UQCC1: variants seen among roughly 807,000 people sequenced by gnomAD.
The protein encoded by UQCC1 is bFGF-repressed Zic-binding protein.
A neutral mutation model predicts 48.0 loss-of-function variants in UQCC1; 38 were observed. That is an observed-to-expected ratio of 0.79 (90% CI 0.61 to 1.04). The LOEUF is 1.04. Ranked by LOEUF, UQCC1 falls within the 50% of genes least tolerant of loss-of-function variation. UQCC1 has a pLI of 0.00. For missense variants in UQCC1, 368 were observed against 381.8 expected (o/e 0.96, Z 0.30); for synonymous variants, 111 against 129.2 (o/e 0.86, Z 0.95).
At chr20:35,401,273 CAT>C (rs1447771709) in intron 1 of UQCC1, among the ~76,000 whole-genome samples, 1 of 152,188 alleles carries the variant, frequency 6.6e-6, no homozygotes, top group African/African-American at 2.4e-5. Context: ...ACCTAACAAA[CAT>C]ATTTTCCCAT....
chr20:35,340,373 C>G (rs117072655), intron 7 of UQCC1, among the ~76,000 whole-genome samples: 1 of 152,230 alleles, frequency 6.6e-6, no homozygotes, highest in Non-Finnish European at 1.5e-5. Context: ...TTAGCCTTCT[C>G]TCCCCTAATA....
At chr20:35,395,238 G>C (rs865918783) in intron 1 of UQCC1, among the ~76,000 whole-genome samples, 9 of 152,038 alleles carry the variant, frequency 5.9e-5, no homozygotes, top group South Asian at 4.2e-4. Context: ...GGAGGAGTGG[G>C]AGAAGCTACA....
chr20:35,399,919 T>C (rs1332894679), intron 1 of UQCC1, among the ~76,000 whole-genome samples: 2 of 143,424 alleles, frequency 1.4e-5, no homozygotes, highest in African/African-American at 5.2e-5. Context: ...CTGGCTCTAC[T>C]CAGTCCTTTT....
chr20:35,314,097 T>C (rs1396572892), intron 8 of UQCC1, among the ~76,000 whole-genome samples: 1 of 152,074 alleles, frequency 6.6e-6, no homozygotes, highest in Non-Finnish European at 1.5e-5. Flanking sequence ...CTAGAGTAGC[T>C]GGGATTACAG....
chr20:35,339,700 A>C (rs2146367796), intron 7 of UQCC1, among the ~76,000 whole-genome samples: 1 of 152,256 alleles, frequency 6.6e-6, no homozygotes, highest in South Asian at 2.1e-4. Context: ...AGAATTTTTA[A>C]AGGATGTAAG....
intron 7 of UQCC1, among the ~76,000 whole-genome samples, chr20:35,338,856 G>GAAAAAAAAAAAAAA (rs1172467457): frequency 3.7e-5 from 1 of 26,846 alleles, no homozygotes; most frequent in Non-Finnish European, 5.5e-5. Flanking sequence ...CGTCTCAAAA[G>GAAAAAAAAAAAAAA]AAAAAAAAAA....
chr20:35,373,472 A>G (rs961880584), intron 5 of UQCC1, among the ~76,000 whole-genome samples: 1 of 152,190 alleles, frequency 6.6e-6, no homozygotes, highest in Non-Finnish European at 1.5e-5. Context: ...TGAGGTCAGG[A>G]GTTTGAGACC....
At chr20:35,404,870 T>C (rs1189843001) in intron 1 of UQCC1, among the ~76,000 whole-genome samples, 1 of 151,936 alleles carries the variant, frequency 6.6e-6, no homozygotes, top group Non-Finnish European at 1.5e-5. Context: ...GATTAACAGG[T>C]GGAGAAAACA....
intron 6 of UQCC1, among the ~76,000 whole-genome samples, chr20:35,350,611 G>T (rs1439572985): frequency 1.3e-5 from 2 of 152,116 alleles, no homozygotes. Context: ...CAGGAGAAAT[G>T]CTTGAACCCA....
chr20:35,321,347 A>G (rs1439269995), intron 7 of UQCC1, among the ~76,000 whole-genome samples: 1 of 152,172 alleles, frequency 6.6e-6, no homozygotes, highest in Non-Finnish European at 1.5e-5. Flanking sequence ...AAAGTTGTTA[A>G]TACCAAGAAT....
intron 4 of UQCC1, among the ~76,000 whole-genome samples, chr20:35,378,061 G>A (rs2061823423): frequency 6.6e-6 from 1 of 152,184 alleles, no homozygotes; most frequent in Non-Finnish European, 1.5e-5. Context: ...CAAGAATCAT[G>A]CACTGATCTG....
chr20:35,316,251 A>G (rs898953536), intron 7 of UQCC1, among the ~76,000 whole-genome samples: 2 of 152,204 alleles, frequency 1.3e-5, no homozygotes, highest in Non-Finnish European at 2.9e-5. Context: ...CCATGCCCAC[A>G]GTCATCTCAT....
intron 6 of UQCC1, among the ~76,000 whole-genome samples, chr20:35,366,258 A>G (rs76771043): frequency 1.8e-4 from 27 of 152,312 alleles, no homozygotes; most frequent in Admixed American, 3.9e-4. Context: ...TAAAACAGCC[A>G]AGGGAGAGAA....
chr20:35,332,765 C>T (rs1363322831), intron 7 of UQCC1, among the ~76,000 whole-genome samples: 1 of 152,222 alleles, frequency 6.6e-6, no homozygotes, highest in Non-Finnish European at 1.5e-5. Context: ...GGACATAAGA[C>T]AGATGCGAGA....
At position 35,334,401 on chromosome 20, in the gene UQCC1, G is replaced by A. The variant is rs199498928; in HGVS notation, c.573+12763C>T. Among the ~76,000 whole-genome samples, 9 of 152,282 alleles carry A rather than the reference G, an allele frequency of 5.9e-5. No homozygotes were observed. In the East Asian group the frequency reaches 1.3e-3, roughly 23 times the overall value. On this transcript the variant is annotated intron_variant, in intron 7 of 9. Coordinates refer to ENST00000374385, the MANE Select transcript of UQCC1 (RefSeq NM_018244.5). The stretch of plus-strand genomic sequence containing the variant: ...TTACCATTGCAGGAGAAGTAAGAAT[G>A]TCACCAAACAAAGCCAAACATTGTT...
intron 6 of UQCC1, among the ~76,000 whole-genome samples, chr20:35,358,203 A>C (rs919994112): frequency 1.3e-5 from 2 of 151,706 alleles, no homozygotes; most frequent in Non-Finnish European, 2.9e-5. Flanking sequence ...AAAATACAAA[A>C]ATTAGCTGGG....
intron 5 of UQCC1, among the ~76,000 whole-genome samples, chr20:35,369,855 A>G (rs2061710007): frequency 6.6e-6 from 1 of 152,222 alleles, no homozygotes; most frequent in African/African-American, 2.4e-5. Flanking sequence ...TATCAGTGAT[A>G]AACCTCAACC....
At chr20:35,316,082 A>C (rs1190489823) in intron 7 of UQCC1, among the ~76,000 whole-genome samples, 4 of 152,178 alleles carry the variant, frequency 2.6e-5, no homozygotes, top group Admixed American at 2.6e-4. Context: ...GGCAGGGTCC[A>C]CGTTTTATTC....
chr20:35,361,341 C>T (rs1014105513), intron 6 of UQCC1, among the ~76,000 whole-genome samples: 1 of 152,012 alleles, frequency 6.6e-6, no homozygotes, highest in Non-Finnish European at 1.5e-5. Context: ...TTCAGTGAAG[C>T]CTTCCCTGAC....
Sources: gnomAD v4.1 joint callset for allele counts (sites outside exome capture counted in the v4.1 genomes callset) on GRCh38, gnomAD v4.1.1 for gene constraint, MANE v1.5 for transcripts, NCBI Gene and HGNC (gene_info 2026-07-23, HGNC 2026-07-21) for gene names.